The following IKZF1 variants were observed in gnomAD, a reference collection of about 807,000 sequenced individuals.
The protein encoded by IKZF1 is IKAROS family zinc finger 1.
In IKZF1, 10 loss-of-function variants were observed where a neutral mutation model predicts 51.7. The observed-to-expected ratio is 0.19, with a 90% CI of 0.12 to 0.33. IKZF1 has a LOEUF of 0.33. IKZF1 is among the 10% of genes least tolerant of loss of function. The pLI is 1.00. For synonymous variants in IKZF1, 280 were observed against 282.3 expected, an observed-to-expected ratio of 0.99 and a Z score of 0.08; for missense variants, 484 against 707.5, an observed-to-expected ratio of 0.68 and a Z score of 3.58.
rs993486779 is a variant in IKZF1, at chr7:50,401,793, A to G, written c.*1166A>G. ...AGAACAGTCATTAATTTTCAACTCA[A>G]TGAAATATGTGAAGCCCAGCATCTC... On this transcript the variant is annotated 3_prime_UTR_variant, in exon 8 of 8. Coordinates refer to ENST00000331340, the MANE Select transcript of IKZF1 (RefSeq NM_006060.6). 1 of 220,954 alleles carries G rather than the reference A, an allele frequency of 4.5e-6. No homozygotes were observed. The highest frequency in any genetic ancestry group is 9.1e-6 in the Non-Finnish European group (1 of 110,278). The allele number at this position is 220,954 out of a possible 1,614,324, so 13.7% of individuals were successfully genotyped here. A position where few individuals can be genotyped will look rare whatever the true frequency, so the allele number is the denominator to read the frequency against.
rs144962525 is a variant in IKZF1, at chr7:50,348,807, T to G, written c.160+21050T>G. 3.2e-3 allele frequency among the ~76,000 whole-genome samples: 485 copies of G among 152,326 alleles called. 4 individuals are homozygous for G. The highest frequency in any genetic ancestry group is 0.011 in the African/African-American group (455 of 41,566). ...CATTGAATAAAATGCACCAGAACCA[T>G]GCACTACAGATGCTAAGGAGAGTTG... On this transcript the variant is annotated intron_variant, in intron 3 of 7. Transcript: ENST00000331340.
rs1803969069 is a variant in IKZF1, at chr7:50,357,933, G to A, written c.161-18600G>A. 2.0e-5 allele frequency among the ~76,000 whole-genome samples: 3 copies of A among 152,186 alleles called. No homozygotes were observed. The South Asian group carries it at 6.2e-4, about 31-fold the overall frequency. Reference sequence around the variant, plus strand: ...TCTGGAGTCGGAGTTTCTCTCATTTGTAAAGCGGGGGTGATATTTTTCTCA... The same window carrying A: ...TCTGGAGTCGGAGTTTCTCTCATTTATAAAGCGGGGGTGATATTTTTCTCA... On this transcript the variant is annotated intron_variant, in intron 3 of 7. Coordinates refer to ENST00000331340, the MANE Select transcript of IKZF1 (RefSeq NM_006060.6).
upstream of IKZF1, chr7:50,304,452 T>C (rs1204630482): frequency 6.9e-6 from 1 of 145,794 alleles, no homozygotes; most frequent in Non-Finnish European, 1.5e-5. Context: ...GGGCGCGCGC[T>C]CTGGCCACCC....
Position 50,400,026 on chromosome 7 carries a change from A to AC in IKZF1, c.960dup (p.Tyr321LeufsTer168). ...GACCAAGCCATCAACAACGCCATCA[A>AC]CTACCTGGGGGCCGAGTCCCTGCGC... On this transcript the variant is annotated frameshift_variant, in exon 8 of 8. Transcript: ENST00000331340. LOFTEE classifies it high-confidence loss of function. This position sits in a 1 kb window ranked among gnomAD's most constrained non-coding sequence, Gnocchi z 5.4. The AC allele has an allele frequency of 6.2e-7, 1 of 1,612,866 alleles. No individual in the cohort carries two copies. Among genetic ancestry groups the AC allele is most frequent in the Non-Finnish European group, 8.5e-7 (1 of 1,179,560 alleles).
intron 3 of IKZF1, among the ~76,000 whole-genome samples, chr7:50,331,874 G>T (rs1318589692): frequency 6.6e-6 from 1 of 152,224 alleles, no homozygotes; most frequent in Non-Finnish European, 1.5e-5. Context: ...GTTGCTTGAA[G>T]AATTTAAGTT....
intron 5 of IKZF1, among the ~76,000 whole-genome samples, chr7:50,385,392 G>A (rs951306766): frequency 6.6e-6 from 1 of 152,200 alleles, no homozygotes; most frequent in Non-Finnish European, 1.5e-5. Context: ...TCTAGCAACT[G>A]GTGGTGGCCT....
intron 3 of IKZF1, among the ~76,000 whole-genome samples, chr7:50,334,329 C>T (rs1391864166): frequency 3.9e-5 from 6 of 151,964 alleles, no homozygotes; most frequent in Non-Finnish European, 8.8e-5. Flanking sequence ...TGTATATGTG[C>T]ATGTGGTACA....
chr7:50,338,093 A>C (rs1271311338), intron 3 of IKZF1, among the ~76,000 whole-genome samples: 1 of 152,232 alleles, frequency 6.6e-6, no homozygotes, highest in Non-Finnish European at 1.5e-5. Flanking sequence ...TTTTAAAAAA[A>C]AACTATAGAG....
At chr7:50,335,778 G>T (rs957877161) in intron 3 of IKZF1, among the ~76,000 whole-genome samples, 1 of 151,998 alleles carries the variant, frequency 6.6e-6, no homozygotes, top group East Asian at 1.9e-4. Flanking sequence ...TGTCTGTGGT[G>T]TATGTGTGCA....
chr7:50,377,286 G>A (rs76403956), intron 4 of IKZF1: 10,832 of 154,894 alleles, frequency 0.07, 523 homozygotes, highest in South Asian at 0.093. Flanking sequence ...GCAAAATCGA[G>A]TTTTCAGAAA....
At chr7:50,336,347 G>A (rs1401635691) in intron 3 of IKZF1, among the ~76,000 whole-genome samples, 3 of 152,174 alleles carry the variant, frequency 2.0e-5, no homozygotes, top group Non-Finnish European at 4.4e-5. Context: ...GGCGTGCGTG[G>A]GGACCATGGG....
chr7:50,400,419 T>G lies in IKZF1; in HGVS notation c.1352T>G (p.Val451Gly), dbSNP rs2153519353. The change falls in exon 8 of 8, where the codon GTG becomes GGG. Residue 451 changes from valine to glycine, a missense_variant. By Grantham distance (109) the Val-to-Gly change is moderately radical (BLOSUM62 -3). Coordinates refer to ENST00000331340, the MANE Select transcript of IKZF1 (RefSeq NM_006060.6). This position sits in a 1 kb window ranked among gnomAD's most constrained non-coding sequence, Gnocchi z 5.4. ...ASENSQDALR[V>G]VSTSGEQMKV... ...GAGAACTCGCAGGACGCGCTCCGCGTGGTCAGCACCAGCGGGGAGCAGATG... is the reference window on the plus strand; with the variant it reads ...GAGAACTCGCAGGACGCGCTCCGCGGGGTCAGCACCAGCGGGGAGCAGATG... The G allele has an allele frequency of 6.2e-7, 1 of 1,613,760 alleles. No homozygotes were observed. Among genetic ancestry groups the G allele is most frequent in the Non-Finnish European group, 8.5e-7 (1 of 1,179,808 alleles).
intron 3 of IKZF1, among the ~76,000 whole-genome samples, chr7:50,351,682 C>T (rs1378764014): frequency 6.6e-6 from 1 of 152,192 alleles, no homozygotes; most frequent in Non-Finnish European, 1.5e-5. Context: ...CTATGTCAGG[C>T]CTCACACTCC....
At chr7:50,316,815 G>A (rs1254695257) in intron 1 of IKZF1, among the ~76,000 whole-genome samples, 3 of 152,202 alleles carry the variant, frequency 2.0e-5, no homozygotes. Flanking sequence ...GTTTGCCAGT[G>A]GTGTTGGTTG....
chr7:50,303,813 G>C (rs990091798), upstream of IKZF1, among the ~76,000 whole-genome samples: 2 of 151,034 alleles, frequency 1.3e-5, no homozygotes, highest in Non-Finnish European at 3.0e-5. This position sits in a 1 kb window ranked among gnomAD's most constrained non-coding sequence, Gnocchi z 4.7. Flanking sequence ...CCGGGTGCAG[G>C]GTGGCGGGCC....
intron 3 of IKZF1, among the ~76,000 whole-genome samples, chr7:50,366,667 C>G (rs991358621): frequency 6.6e-6 from 1 of 152,220 alleles, no homozygotes; most frequent in Non-Finnish European, 1.5e-5. Context: ...GTTTTGTACT[C>G]TATCACCCAT....
At chr7:50,309,405 G>C (rs983070493) in intron 1 of IKZF1, among the ~76,000 whole-genome samples, 2 of 152,048 alleles carry the variant, frequency 1.3e-5, no homozygotes. Context: ...TTCCTCCCTT[G>C]TCTTCTCTGT....
intron 3 of IKZF1, among the ~76,000 whole-genome samples, chr7:50,365,219 A>G (rs936247880): frequency 6.6e-6 from 1 of 152,168 alleles, no homozygotes; most frequent in Non-Finnish European, 1.5e-5. Flanking sequence ...GTTGTACATA[A>G]TTACCTGTCC....
At chr7:50,361,162 G>A (rs958387109) in intron 3 of IKZF1, among the ~76,000 whole-genome samples, 1 of 152,074 alleles carries the variant, frequency 6.6e-6, no homozygotes, top group East Asian at 1.9e-4. Context: ...TTTCTTGATT[G>A]CCTGAATGTC....
Sources: allele counts gnomAD v4.1 joint callset (sites outside exome capture counted in the v4.1 genomes callset), GRCh38; gene constraint gnomAD v4.1.1; non-coding constraint Gnocchi (gnomAD v3.1); transcripts MANE v1.5; gene names NCBI Gene and HGNC (gene_info 2026-07-23, HGNC 2026-07-21).